The following SOD1 variants were observed in gnomAD, a reference collection of about 807,000 sequenced individuals.
The protein encoded by SOD1 is superoxide dismutase [Cu-Zn].
A neutral mutation model predicts 15.9 loss-of-function variants in SOD1; 8 were observed. That is an observed-to-expected ratio of 0.50 (90% CI 0.30 to 0.91). The LOEUF (loss-of-function observed/expected upper bound fraction) is 0.91. Ranked by LOEUF, SOD1 falls within the 40% of genes least tolerant of loss-of-function variation. The pLI is 0.07. For synonymous variants in SOD1, 86 were observed against 71.2 expected (o/e 1.21, Z -1.04); for missense variants, 137 against 194.5 (o/e 0.70, Z 1.76).
intron 1 of SOD1, among the ~76,000 whole-genome samples, chr21:31,663,343 A>G (rs116260263): frequency 8.3e-4 from 126 of 152,320 alleles, no homozygotes; most frequent in African/African-American, 2.8e-3. Flanking sequence ...CTTGTCTCAA[A>G]ATAAAAAACG....
At chr21:31,662,220 GTGTT>G in intron 1 of SOD1, among the ~76,000 whole-genome samples, 1 of 152,332 alleles carries the variant, frequency 6.6e-6, no homozygotes, top group South Asian at 2.1e-4. Flanking sequence ...TGATAACAGA[GTGTT>G]TGAGGGACAA....
In SOD1 at chr21:31,666,381, T is replaced by G; in HGVS notation, c.170-68T>G. On this transcript the variant is annotated intron_variant, in intron 2 of 4. Coordinates refer to ENST00000270142, the MANE Select transcript of SOD1 (RefSeq NM_000454.5). ...TCTCCATGGGAAGTTTTAGCAGTGT[T>G]TCTTTTTAGAATGTATTTGGGAACT... is the stretch of plus-strand genomic sequence containing the variant. 4 of 1,251,006 alleles carry G rather than the reference T, an allele frequency of 3.2e-6. No homozygotes were observed. The East Asian group carries it at 9.7e-5, about 30-fold the overall frequency. 77.5% of individuals were successfully genotyped at this position (1,251,006 alleles called of 1,614,324 possible).
At position 31,668,590 on chromosome 21, in the gene SOD1, GA is replaced by G; in HGVS notation, c.*13del. ...GGATCGCCCAATAAACATTCCCTTG[GA>G]TGTAGTCTGAGGCCCCTTAACTCAT... On this transcript the variant is annotated 3_prime_UTR_variant, in exon 5 of 5. Transcript: ENST00000270142. The G allele has an allele frequency of 6.3e-7, 1 of 1,588,812 alleles. No individual in the cohort carries two copies. Among genetic ancestry groups the G allele is most frequent in the Non-Finnish European group, 8.6e-7 (1 of 1,156,822 alleles).
In SOD1 at chr21:31,663,884, C is replaced by T. The variant is rs2049570429; in HGVS notation, c.167C>T (p.Ala56Val). The T allele has an allele frequency of 6.2e-7, 1 of 1,610,564 alleles. No homozygotes were observed. The highest frequency in any genetic ancestry group is 8.5e-7 in the Non-Finnish European group (1 of 1,176,838). ...GTTCATGAGTTTGGAGATAATACAG[C>T]AGGTGGGTGTTGTGCTGTGCTGGTG... is the stretch of plus-strand genomic sequence containing the variant. Reference protein sequence around the residue: ...FHVHEFGDNTAGCTSAGPHFN... With the variant: ...FHVHEFGDNTVGCTSAGPHFN... The change falls in exon 2 of 5, where the codon GCA (alanine) becomes GTA (valine). Residue 56 changes from alanine to valine, a missense_variant and splice_region_variant. By Grantham distance (64) the Ala-to-Val change is moderately conservative. Coordinates refer to ENST00000270142, the MANE Select transcript of SOD1 (RefSeq NM_000454.5).
At chr21:31,663,268 A>G (rs555160035) in intron 1 of SOD1, among the ~76,000 whole-genome samples, 1 of 151,016 alleles carries the variant, frequency 6.6e-6, no homozygotes, top group Non-Finnish European at 1.5e-5. Context: ...TGAACCCGGG[A>G]GGCGGAGCTT....
At chr21:31,668,377 A>T in intron 4 of SOD1, 94 bp from the exon 5 acceptor site, 1 of 826,670 alleles carries the variant, frequency 1.2e-6, no homozygotes, top group Non-Finnish European at 2.1e-6. Flanking sequence ...TATTTTTCTA[A>T]TATTATGAGG....
At position 31,668,720 on chromosome 21, in the gene SOD1, T is replaced by C. The variant is rs932485579; in HGVS notation, c.*142T>C. 2.9e-6 allele frequency: 2 copies of C among 687,746 alleles called. No homozygotes were observed. Among genetic ancestry groups the C allele is most frequent in the Non-Finnish European group, 5.2e-6 (2 of 382,334 alleles). 42.6% of individuals were successfully genotyped at this position (687,746 alleles called of 1,614,324 possible). On this transcript the variant is annotated 3_prime_UTR_variant, in exon 5 of 5. Coordinates refer to ENST00000270142, the MANE Select transcript of SOD1 (RefSeq NM_000454.5). ...TTTCAGAGTTGCTTTAAAGTACCTG[T>C]AGTGAGAAACTGATTTATGATCACT...
At chr21:31,664,185 C>T (rs944880055) in intron 2 of SOD1, 2 of 371,672 alleles carry the variant, frequency 5.4e-6, no homozygotes, top group Non-Finnish European at 1.0e-5. Context: ...GTTGCCCAGG[C>T]TGGTCTTGAA....
intron 4 of SOD1, 34 bp downstream of exon 4, chr21:31,667,409 CT>C: frequency 7.4e-7 from 1 of 1,350,578 alleles, no homozygotes; most frequent in South Asian, 1.2e-5. Flanking sequence ...CATAAAACTT[CT>C]TCTAACATAC....
intron 3 of SOD1, 105 bp from the exon 4 acceptor site, chr21:31,667,153 G>C: frequency 1.2e-6 from 1 of 819,272 alleles, no homozygotes; most frequent in Non-Finnish European, 2.1e-6. Context: ...CTAGCTACTT[G>C]TTTGCAAATT....
At position 31,668,198 on chromosome 21, in the gene SOD1, G is replaced by A. The variant is rs17884462; in HGVS notation, c.358-273G>A. ...CTTACCATGGAGGATTAAGGGTAGCGTGTGGTGGTCTACAACATAGTTATT... is the reference window on the plus strand; with the variant it reads ...CTTACCATGGAGGATTAAGGGTAGCATGTGGTGGTCTACAACATAGTTATT... On this transcript the variant is annotated intron_variant, in intron 4 of 4. Transcript: ENST00000270142. 2.5e-3 allele frequency among the ~76,000 whole-genome samples: 381 copies of A among 152,242 alleles called. 2 individuals carry two copies. Among genetic ancestry groups the A allele is most frequent in the African/African-American group, 8.5e-3 (355 of 41,542 alleles).
At chr21:31,666,720 T>G (rs963808562) in intron 3 of SOD1, 2 of 615,024 alleles carry the variant, frequency 3.3e-6, no homozygotes, top group African/African-American at 3.7e-5. Context: ...TGGGGACACT[T>G]AAAACGATTT....
chr21:31,667,193 C>G (rs112989936), intron 3 of SOD1, 65 bp from the exon 4 acceptor site: 2 of 1,273,084 alleles, frequency 1.6e-6, no homozygotes, highest in African/African-American at 2.9e-5. Flanking sequence ...TTTAATTTAG[C>G]TCATGAACTA....
chr21:31,663,434 C>T (rs2049566353), intron 1 of SOD1, among the ~76,000 whole-genome samples: 1 of 152,158 alleles, frequency 6.6e-6, no homozygotes, highest in Non-Finnish European at 1.5e-5. Context: ...ACTTACATTA[C>T]CTATTTACTG....
chr21:31,666,784 A>C (rs532363426), intron 3 of SOD1: 8 of 513,034 alleles, frequency 1.6e-5, no homozygotes, highest in Non-Finnish European at 2.8e-5. Flanking sequence ...AAGGGGAACT[A>C]ATACAGGAAA....
intron 3 of SOD1, chr21:31,666,784 A>G: frequency 1.9e-6 from 1 of 513,152 alleles, no homozygotes; most frequent in Admixed American, 3.2e-5. Flanking sequence ...AAGGGGAACT[A>G]ATACAGGAAA....
chr21:31,666,618 C>G, intron 3 of SOD1, 100 bp downstream of exon 3: 1 of 951,494 alleles, frequency 1.1e-6, no homozygotes, highest in Non-Finnish European at 1.7e-6. Context: ...CGTGTTTCCC[C>G]CACCTTTGCT....
Position 31,659,857 on chromosome 21 carries a change from G to C in SOD1, c.72+16G>C. 2.5e-6 allele frequency: 4 copies of C among 1,611,958 alleles called. No homozygotes were observed. The highest frequency in any genetic ancestry group is 3.4e-6 in the Non-Finnish European group (4 of 1,179,294). ...CGAGCAGAAGGCAAGGGCTGGGACG[G>C]AGGCTTGTTTGCGAGGCCGCTCCCA... On this transcript the variant is annotated intron_variant, in intron 1 of 4. Transcript: ENST00000270142.
In SOD1 at chr21:31,666,476, A is replaced by G. The variant is rs1568810275; in HGVS notation, c.197A>G (p.Asn66Ser). The part of the protein sequence containing the change: ...AGCTSAGPHF[N>S]PLSRKHGGPK... ...TGTACCAGTGCAGGTCCTCACTTTA[A>G]TCCTCTATCCAGAAAACACGGTGGG... The change falls in exon 3 of 5, where the codon AAT becomes AGT. Residue 66 changes from asparagine to serine, a missense_variant. By Grantham distance (46) the Asn-to-Ser change is conservative (BLOSUM62 1). Transcript: ENST00000270142. 1.2e-6 allele frequency: 2 copies of G among 1,613,000 alleles called. No individual in the cohort carries two copies. Among genetic ancestry groups the G allele is most frequent in the Non-Finnish European group, 8.5e-7 (1 of 1,179,262 alleles).
Sources: allele counts gnomAD v4.1 joint callset (sites outside exome capture counted in the v4.1 genomes callset), GRCh38; gene constraint gnomAD v4.1.1; transcripts MANE v1.5; gene names NCBI Gene and HGNC (gene_info 2026-07-23, HGNC 2026-07-21).